PTPRN2: variants seen among roughly 807,000 people sequenced by gnomAD.
The protein encoded by PTPRN2 is protein tyrosine phosphatase receptor type N2, also known as receptor-type tyrosine-protein phosphatase N2.
PTPRN2 carries 74 observed loss-of-function variants against 118.8 expected under a neutral mutation model. That is an observed-to-expected ratio of 0.62 (90% CI 0.52 to 0.76). The LOEUF (loss-of-function observed/expected upper bound fraction) is 0.76, where lower values mean the gene tolerates loss of function less well. PTPRN2 is among the 30% of genes least tolerant of loss of function. The probability of loss-of-function intolerance (pLI) is 0.00; values close to 1 mark genes in which losing one functional copy is unlikely to be tolerated. For missense variants in PTPRN2, 1,481 were observed against 1,394.4 expected, an observed-to-expected ratio of 1.06 and a Z score of -0.99; for synonymous variants, 641 against 608.0, an observed-to-expected ratio of 1.05 and a Z score of -0.80.
In PTPRN2 at chr7:157,784,742, G is replaced by C. The variant is rs1240958405; in HGVS notation, c.1789-101805C>G. Reference sequence around the variant, plus strand: ...TGGCAGTGCAAACCGAGGGCCCCCTGGGTCTCGACATTTCACCGCAAACCC... The same window carrying C: ...TGGCAGTGCAAACCGAGGGCCCCCTCGGTCTCGACATTTCACCGCAAACCC... On this transcript the variant is annotated intron_variant, in intron 12 of 22. Coordinates refer to ENST00000389418, the MANE Select transcript of PTPRN2 (RefSeq NM_002847.5). This position sits in a 1 kb window ranked among gnomAD's most constrained non-coding sequence, Gnocchi z 4.6. 6.6e-6 allele frequency among the ~76,000 whole-genome samples: 1 copy of C among 152,070 alleles called. No homozygotes were observed. Among genetic ancestry groups the C allele is most frequent in the Non-Finnish European group, 1.5e-5 (1 of 68,008 alleles).
intron 12 of PTPRN2, among the ~76,000 whole-genome samples, chr7:157,757,083 C>T (rs988866039): frequency 7.2e-5 from 11 of 152,136 alleles, no homozygotes; most frequent in African/African-American, 2.7e-4. Context: ...GTATGCTATG[C>T]GGCTCACAAG....
intron 1 of PTPRN2, among the ~76,000 whole-genome samples, chr7:158,550,641 G>C (rs1331724713): frequency 6.6e-6 from 1 of 152,236 alleles, no homozygotes; most frequent in Non-Finnish European, 1.5e-5. Flanking sequence ...TTGCATCTCT[G>C]GGAATTCTTT....
rs1209117335 is a variant in PTPRN2 at position 157,590,523 on chromosome 7, T to C, written c.2496+4715A>G. On this transcript the variant is annotated intron_variant, in intron 17 of 22. Coordinates refer to ENST00000389418, the MANE Select transcript of PTPRN2 (RefSeq NM_002847.5). The surrounding 1 kb of genome is among the most constrained non-coding windows in gnomAD (Gnocchi z 4.0). ...ATTCTTGAAATGCATCCAGTGTCCA[T>C]ATAGAGCTGGTTCACTGCAGGAAAG... Among the ~76,000 whole-genome samples, 2 of 152,226 alleles carry C rather than the reference T, an allele frequency of 1.3e-5. No individual in the cohort carries two copies. Among genetic ancestry groups the C allele is most frequent in the Non-Finnish European group, 2.9e-5 (2 of 68,030 alleles).
chr7:157,686,032 G>A (rs1548669), intron 12 of PTPRN2, among the ~76,000 whole-genome samples: 5 of 152,182 alleles, frequency 3.3e-5, no homozygotes, highest in Non-Finnish European at 7.4e-5. Flanking sequence ...GCGGGACCTG[G>A]ACAGCCGGGG....
intron 2 of PTPRN2, among the ~76,000 whole-genome samples, chr7:158,425,836 A>G (rs71547538): frequency 2.3e-3 from 141 of 61,554 alleles, no homozygotes; most frequent in Middle Eastern, 0.017. Context: ...AGCCTAGCTG[A>G]GGCCTGCGCA....
chr7:158,337,258 CTGCAGA>C (rs1805795218), intron 2 of PTPRN2, among the ~76,000 whole-genome samples: 1 of 151,288 alleles, frequency 6.6e-6, no homozygotes, highest in Non-Finnish European at 1.5e-5. Context: ...GAGCTGACAC[CTGCAGA>C]CGTCACTCAA....
At chr7:158,174,951 C>A (rs1824050286) in intron 5 of PTPRN2, among the ~76,000 whole-genome samples, 1 of 152,106 alleles carries the variant, frequency 6.6e-6, no homozygotes, top group Admixed American at 6.5e-5. Flanking sequence ...GACAAACATG[C>A]CTCTCCTGGA....
intron 11 of PTPRN2, among the ~76,000 whole-genome samples, chr7:158,069,248 GCATGGTTGTGAC>G (rs1232191689): frequency 2.0e-5 from 3 of 152,230 alleles, no homozygotes; most frequent in African/African-American, 4.8e-5. Flanking sequence ...AGGGGCAGTG[GCATGGTTGTGAC>G]CATGGTTGTG....
intron 12 of PTPRN2, chr7:157,864,431 T>C (rs1249500138): frequency 1.3e-5 from 2 of 152,382 alleles, no homozygotes; most frequent in South Asian, 2.1e-4. Context: ...AGGCAGATGT[T>C]CCTCCCGGGC....
At chr7:158,329,898 G>C (rs937060036) in intron 2 of PTPRN2, among the ~76,000 whole-genome samples, 8 of 152,088 alleles carry the variant, frequency 5.3e-5, no homozygotes, top group South Asian at 2.1e-4. Context: ...GGTCACCATA[G>C]CTACATGGAG....
chr7:157,878,827 C>T (rs1343050621), intron 12 of PTPRN2, among the ~76,000 whole-genome samples: 2 of 94,460 alleles, frequency 2.1e-5, no homozygotes, highest in African/African-American at 8.7e-5. Context: ...CAGTGTGATA[C>T]CGTGCACCCA....
At chr7:158,071,038 TATGGAGGTG>T (rs1811387419) in intron 11 of PTPRN2, among the ~76,000 whole-genome samples, 1 of 45,150 alleles carries the variant, frequency 2.2e-5, no homozygotes, top group Non-Finnish European at 4.0e-5. Context: ...GTGCTCTTAG[TATGGAGGTG>T]CTCATGGTGG....
intron 12 of PTPRN2, among the ~76,000 whole-genome samples, chr7:157,733,374 C>A (rs1800071089): frequency 1.2e-5 from 1 of 83,300 alleles, no homozygotes; most frequent in African/African-American, 5.8e-5. Flanking sequence ...TCTTTTCCGT[C>A]CCATGCGCCC....
At chr7:158,393,229 G>A (rs1017589050) in intron 2 of PTPRN2, among the ~76,000 whole-genome samples, 5 of 152,200 alleles carry the variant, frequency 3.3e-5, no homozygotes, top group Non-Finnish European at 4.4e-5. Flanking sequence ...TAAAAAGGCC[G>A]AAACCTGGGT....
chr7:158,490,289 C>T (rs1421398325), intron 1 of PTPRN2, among the ~76,000 whole-genome samples: 1 of 152,178 alleles, frequency 6.6e-6, no homozygotes, highest in African/African-American at 2.4e-5. Context: ...AGACAAGAGA[C>T]GCAGGAGAGG....
intron 11 of PTPRN2, among the ~76,000 whole-genome samples, chr7:157,995,098 G>C (rs187866798): frequency 8.4e-6 from 1 of 119,698 alleles, no homozygotes; most frequent in East Asian, 2.7e-4. Context: ...CACGTCCCCA[G>C]CTTACAACTC....
chr7:157,898,928 T>A (rs184103220), intron 11 of PTPRN2, among the ~76,000 whole-genome samples, 191 bp from the exon 12 acceptor site: 3 of 152,202 alleles, frequency 2.0e-5, no homozygotes, highest in African/African-American at 7.2e-5. Flanking sequence ...TGACCCAGTG[T>A]GCGTCCACCT....
At chr7:158,269,745 CAGAGAG>C (rs368056023) in intron 3 of PTPRN2, among the ~76,000 whole-genome samples, 6 of 109,904 alleles carry the variant, frequency 5.5e-5, no homozygotes, top group Admixed American at 1.8e-4. Context: ...GAGACAGAGA[CAGAGAG>C]AGACAGAGAC....
intron 2 of PTPRN2, among the ~76,000 whole-genome samples, chr7:158,441,654 G>A (rs1279782328): frequency 1.4e-5 from 2 of 143,770 alleles, no homozygotes; most frequent in Non-Finnish European, 3.0e-5. Flanking sequence ...CAATGGTGGT[G>A]ATGGTGATGG....
Sources: gnomAD v4.1 joint callset for allele counts (sites outside exome capture counted in the v4.1 genomes callset) on GRCh38, gnomAD v4.1.1 for gene constraint, Gnocchi (gnomAD v3.1) non-coding constraint, MANE v1.5 for transcripts, NCBI Gene and HGNC (gene_info 2026-07-23, HGNC 2026-07-21) for gene names.